TPX2: variants seen among roughly 807,000 people sequenced by gnomAD.
TPX2 encodes targeting protein for Xklp2.
In TPX2, 21 loss-of-function variants were observed where a neutral mutation model predicts 93.6. The observed-to-expected ratio is 0.22, with a 90% CI of 0.16 to 0.32. The LOEUF is 0.32. Among genes scored for constraint, TPX2 ranks in the 10% least tolerant of loss-of-function variants. The pLI is 1.00. For missense variants in TPX2, 776 were observed against 871.1 expected, an observed-to-expected ratio of 0.89 and a Z score of 1.37; for synonymous variants, 281 against 298.3, an observed-to-expected ratio of 0.94 and a Z score of 0.60.
At chr20:31,768,427 A>G (rs1262091008) in intron 5 of TPX2, among the ~76,000 whole-genome samples, 1 of 121,068 alleles carries the variant, frequency 8.3e-6, no homozygotes, top group East Asian at 2.2e-4. Context: ...TTGTATTTTT[A>G]GTAGAGACGG....
intron 12 of TPX2, among the ~76,000 whole-genome samples, chr20:31,785,670 G>A (rs915252635): frequency 1.3e-5 from 2 of 151,886 alleles, no homozygotes; most frequent in Admixed American, 6.6e-5. Context: ...GCTAATTTTC[G>A]TATTTATAGT....
chr20:31,754,268 A>T (rs2061838196), intron 2 of TPX2, among the ~76,000 whole-genome samples: 1 of 151,934 alleles, frequency 6.6e-6, no homozygotes, highest in Non-Finnish European at 1.5e-5. Flanking sequence ...TTCAGTAGAG[A>T]TGGAGTTTCA....
In TPX2 at chr20:31,774,193, C is replaced by T. The variant is rs114407440; in HGVS notation, c.609-1674C>T. Among the ~76,000 whole-genome samples, 1,137 of 152,232 alleles carry T rather than the reference C, an allele frequency of 7.5e-3. 18 individuals are homozygous for T. The highest frequency in any genetic ancestry group is 0.026 in the African/African-American group (1,079 of 41,550). ...TGGAATTTATTCTCTTAGTGTATTA[C>T]GATTACTAATGATATCCTCCACCCT... On this transcript the variant is annotated intron_variant, in intron 7 of 17. Coordinates refer to ENST00000300403, the MANE Select transcript of TPX2 (RefSeq NM_012112.5).
At chr20:31,796,058 C>T (rs1314420249) in intron 15 of TPX2, among the ~76,000 whole-genome samples, 1 of 152,176 alleles carries the variant, frequency 6.6e-6, no homozygotes, top group African/African-American at 2.4e-5. Context: ...GAATTTTCCC[C>T]TCTCAATGAC....
chr20:31,794,755 A>AGTGTGTGT lies in TPX2; in HGVS notation c.1833+236_1833+243dup, dbSNP rs35018680. Among the ~76,000 whole-genome samples the AGTGTGTGT allele has an allele frequency of 6.9e-3, 999 of 145,478 alleles. 6 individuals carry two copies. Among genetic ancestry groups the AGTGTGTGT allele is most frequent in the Middle Eastern group, 0.021 (6 of 284 alleles). ...AGGTTACATATGGTCTCTGTCGCATAGTGTGTGTGTGTGTGTGTGTGTGTG... is the reference window on the plus strand; with the variant it reads ...AGGTTACATATGGTCTCTGTCGCATAGTGTGTGTGTGTGTGTGTGTGTGTGTGTGTGTG... On this transcript the variant is annotated intron_variant, in intron 15 of 17. Coordinates refer to ENST00000300403, the MANE Select transcript of TPX2 (RefSeq NM_012112.5).
chr20:31,746,691 C>G (rs1034762606), intron 2 of TPX2, among the ~76,000 whole-genome samples: 1 of 152,202 alleles, frequency 6.6e-6, no homozygotes, highest in Non-Finnish European at 1.5e-5. Flanking sequence ...AATGCACCCT[C>G]TTGCAGCTTT....
intron 2 of TPX2, among the ~76,000 whole-genome samples, chr20:31,753,907 C>T (rs1463705028): frequency 2.0e-5 from 3 of 151,810 alleles, no homozygotes; most frequent in Non-Finnish European, 4.4e-5. Context: ...ACGCTTGTAA[C>T]CCCAGCTACT....
At chr20:31,799,883 G>C (rs1371658250) in intron 17 of TPX2, among the ~76,000 whole-genome samples, 1 of 129,242 alleles carries the variant, frequency 7.7e-6, no homozygotes. Context: ...GGGGGTGACA[G>C]AGCGAGACTG....
chr20:31,746,034 G>A (rs952893900), intron 2 of TPX2, among the ~76,000 whole-genome samples: 1 of 152,158 alleles, frequency 6.6e-6, no homozygotes, highest in African/African-American at 2.4e-5. Context: ...AAATATATTT[G>A]CTTGAAGTTT....
chr20:31,765,326 A>AC (rs998964138), intron 4 of TPX2, among the ~76,000 whole-genome samples: 1 of 151,814 alleles, frequency 6.6e-6, no homozygotes, highest in African/African-American at 2.4e-5. Flanking sequence ...AAAAAAAAAA[A>AC]AAAAAACGTT....
In TPX2 at chr20:31,776,956, GA is replaced by G. The variant is rs551995424; in HGVS notation, c.731-527del. On this transcript the variant is annotated intron_variant, in intron 8 of 17. Transcript: ENST00000300403. ...ATTTTTTTCTAAAGGCAAAGGAAAAGAAAACAGTCAAATCCAATTCACCTGT... is the reference window on the plus strand; with the variant it reads ...ATTTTTTTCTAAAGGCAAAGGAAAAGAAACAGTCAAATCCAATTCACCTGT... Among the ~76,000 whole-genome samples the G allele has an allele frequency of 5.3e-5, 8 of 152,300 alleles. No individual in the cohort carries two copies. In the South Asian group the frequency reaches 1.7e-3, roughly 32 times the overall value.
chr20:31,755,720 C>G (rs1196990154), intron 2 of TPX2, among the ~76,000 whole-genome samples: 2 of 151,330 alleles, frequency 1.3e-5, no homozygotes, highest in African/African-American at 4.9e-5. Flanking sequence ...GGGATCATGC[C>G]ACTGCACTCC....
At chr20:31,754,890 A>G (rs532493100) in intron 2 of TPX2, among the ~76,000 whole-genome samples, 1 of 152,272 alleles carries the variant, frequency 6.6e-6, no homozygotes, top group South Asian at 2.1e-4. Context: ...TTAAAAAAAT[A>G]ATAGTTTGTA....
At chr20:31,782,931 C>CACACAA (rs1555787511) in intron 11 of TPX2, among the ~76,000 whole-genome samples, 1 of 141,076 alleles carries the variant, frequency 7.1e-6, no homozygotes, top group Admixed American at 7.1e-5. Flanking sequence ...CACACACACA[C>CACACAA]AAAATCTAAT....
intron 7 of TPX2, among the ~76,000 whole-genome samples, chr20:31,775,147 T>TG (rs2061988069): frequency 6.6e-6 from 1 of 151,840 alleles, no homozygotes; most frequent in South Asian, 2.1e-4. Context: ...TTTAGTAAGA[T>TG]GGGGTTTCAC....
At chr20:31,794,119 C>A (rs1234975321) in intron 14 of TPX2, 95 bp downstream of exon 14, 9 of 1,288,130 alleles carry the variant, frequency 7.0e-6, no homozygotes, top group Non-Finnish European at 9.5e-6. Flanking sequence ...AAATCACTGA[C>A]TTCTTTTGAT....
At chr20:31,794,104 C>A in intron 14 of TPX2, 80 bp downstream of exon 14, 1 of 1,390,706 alleles carries the variant, frequency 7.2e-7, no homozygotes, top group Non-Finnish European at 9.7e-7. Flanking sequence ...GCACTTTTAA[C>A]TATAAAATCA....
Position 31,771,607 on chromosome 20 carries a change from A to C in TPX2, c.533A>C (p.Asp178Ala). ...KPEEEGSAHQ[D>A]TAEKNASSPE... is the part of the protein sequence containing the mutation. ...GAGGAAGAAGGCAGTGCTCATCAAG[A>C]TACTGCTGAAAAGAATGCATCTTCC... The change falls in exon 7 of 18, where the codon GAT becomes GCT. Residue 178 changes from aspartate to alanine, a missense_variant. Coordinates refer to ENST00000300403, the MANE Select transcript of TPX2 (RefSeq NM_012112.5). 2 of 1,614,042 alleles carry C rather than the reference A, an allele frequency of 1.2e-6. No individual in the cohort carries two copies. Among genetic ancestry groups the C allele is most frequent in the South Asian group, 1.1e-5 (1 of 91,066 alleles).
intron 4 of TPX2, among the ~76,000 whole-genome samples, chr20:31,761,844 A>G (rs1238504859): frequency 6.6e-6 from 1 of 152,186 alleles, no homozygotes; most frequent in Non-Finnish European, 1.5e-5. Context: ...GTTTTCCATA[A>G]TAGCTGTACT....
Sources: allele counts gnomAD v4.1 joint callset (sites outside exome capture counted in the v4.1 genomes callset), GRCh38; gene constraint gnomAD v4.1.1; transcripts MANE v1.5; gene names NCBI Gene and HGNC (gene_info 2026-07-23, HGNC 2026-07-21).